SHISA9: variants seen among roughly 807,000 people sequenced by gnomAD.
The protein encoded by SHISA9 is protein shisa-9.
A neutral mutation model predicts 38.0 loss-of-function variants in SHISA9; 13 were observed. That is an observed-to-expected ratio of 0.34 (90% confidence interval 0.22 to 0.54). The LOEUF (loss-of-function observed/expected upper bound fraction) is 0.54. Ranked by LOEUF, SHISA9 falls within the 20% of genes least tolerant of loss-of-function variation. The pLI is 0.91. For missense variants in SHISA9, 538 were observed against 575.8 expected, an observed-to-expected ratio of 0.93 and a Z score of 0.67; for synonymous variants, 275 against 242.0, an observed-to-expected ratio of 1.14 and a Z score of -1.27.
intron 2 of SHISA9, among the ~76,000 whole-genome samples, chr16:12,941,238 C>G (rs970895210): frequency 1.3e-5 from 2 of 152,120 alleles, no homozygotes; most frequent in Admixed American, 6.5e-5. Context: ...GTAATCCTAG[C>G]TACCTGGGAA....
chr16:12,915,289 T>G (rs2071239361), intron 1 of SHISA9, among the ~76,000 whole-genome samples: 1 of 152,128 alleles, frequency 6.6e-6, no homozygotes, highest in African/African-American at 2.4e-5. Flanking sequence ...AGTAAGACCC[T>G]GAGACCACGT....
the SHISA9 span, among the ~76,000 whole-genome samples, chr16:13,300,269 T>A: frequency 6.6e-6 from 1 of 152,180 alleles, no homozygotes; most frequent in East Asian, 1.9e-4. Flanking sequence ...CATTTCTGAG[T>A]GGGATACTAT....
chr16:13,072,949 C>T (rs76824488), intron 2 of SHISA9, among the ~76,000 whole-genome samples: 16,363 of 152,270 alleles, frequency 0.11, 1,159 homozygotes, highest in Non-Finnish European at 0.15. Flanking sequence ...GTGTGAGCCG[C>T]CATCCCTGGC....
the SHISA9 span, among the ~76,000 whole-genome samples, chr16:13,381,853 A>T: frequency 6.6e-6 from 1 of 152,188 alleles, no homozygotes; most frequent in African/African-American, 2.4e-5. Context: ...AATATAATTT[A>T]AAAATCTTTA....
chr16:13,537,692 G>A, the SHISA9 span, among the ~76,000 whole-genome samples: 2 of 152,064 alleles, frequency 1.3e-5, no homozygotes, highest in African/African-American at 2.4e-5. Flanking sequence ...TATGGTACAC[G>A]TTTGTCAAAA....
At chr16:13,031,690 A>G (rs998907844) in intron 2 of SHISA9, among the ~76,000 whole-genome samples, 2 of 152,230 alleles carry the variant, frequency 1.3e-5, no homozygotes, top group African/African-American at 2.4e-5. Flanking sequence ...GGCCTAAAAA[A>G]TAATATCTAT....
At chr16:13,074,547 C>T (rs962825321) in intron 2 of SHISA9, among the ~76,000 whole-genome samples, 1 of 152,108 alleles carries the variant, frequency 6.6e-6, no homozygotes, top group African/African-American at 2.4e-5. Context: ...TGCAGTCTGG[C>T]CATACCCAGC....
intron 2 of SHISA9, among the ~76,000 whole-genome samples, chr16:13,116,131 C>A (rs1272732123): frequency 6.6e-6 from 1 of 152,130 alleles, no homozygotes; most frequent in Non-Finnish European, 1.5e-5. Flanking sequence ...ACTTACTGAT[C>A]TCTGTAACTT....
intron 3 of SHISA9, among the ~76,000 whole-genome samples, chr16:13,211,935 C>T (rs1177891820): frequency 2.6e-5 from 4 of 152,124 alleles, no homozygotes; most frequent in Admixed American, 6.5e-5. Context: ...AGAAGAGAAC[C>T]GAGTCATCCT....
At chr16:13,360,272 A>T in the SHISA9 span, among the ~76,000 whole-genome samples, 1 of 152,172 alleles carries the variant, frequency 6.6e-6, no homozygotes, top group Non-Finnish European at 1.5e-5. Flanking sequence ...ATGCTCACTG[A>T]CGGTGTCCCA....
the SHISA9 span, among the ~76,000 whole-genome samples, chr16:13,268,533 A>T: frequency 6.6e-6 from 1 of 152,094 alleles, no homozygotes; most frequent in African/African-American, 2.4e-5. Flanking sequence ...ACAAACAAAA[A>T]TGTCCCTTTG....
the SHISA9 span, among the ~76,000 whole-genome samples, chr16:13,447,718 G>A: frequency 5.9e-5 from 9 of 152,256 alleles, no homozygotes; most frequent in East Asian, 3.9e-4. Flanking sequence ...AATGAGACTC[G>A]GAGACCATCA....
the SHISA9 span, among the ~76,000 whole-genome samples, chr16:13,401,215 C>G: frequency 6.6e-6 from 1 of 152,332 alleles, no homozygotes; most frequent in Admixed American, 6.5e-5. Flanking sequence ...ATTTTTGTGA[C>G]AACCTTTTCA....
the SHISA9 span, among the ~76,000 whole-genome samples, chr16:13,485,642 G>A: frequency 1.3e-5 from 2 of 152,262 alleles, no homozygotes; most frequent in East Asian, 3.9e-4. Flanking sequence ...TGTTCTTTGT[G>A]TTGAGAACAT....
In SHISA9 at chr16:13,071,116, C is replaced by T. The variant is rs1399977042; in HGVS notation, c.692-132278C>T. On this transcript the variant is annotated intron_variant, in intron 2 of 4. Coordinates refer to ENST00000558583, the MANE Select transcript of SHISA9 (RefSeq NM_001145204.3). ...AGAAATGGATGGTGTGATGTTTGCA[C>T]AACAATGTGAATGTATTTAATGACA... 3.4e-5 allele frequency among the ~76,000 whole-genome samples: 5 copies of T among 147,256 alleles called. No individual in the cohort carries two copies. The East Asian group carries it at 7.7e-4, about 23-fold the overall frequency.
At chr16:13,117,359 C>T (rs2074040388) in intron 2 of SHISA9, among the ~76,000 whole-genome samples, 1 of 152,100 alleles carries the variant, frequency 6.6e-6, no homozygotes, top group Non-Finnish European at 1.5e-5. Flanking sequence ...ATACAGCAGA[C>T]GTGTGTTTGG....
intron 2 of SHISA9, among the ~76,000 whole-genome samples, chr16:13,004,962 A>AGAAAGAAAAG (rs112467502): frequency 4.7e-4 from 60 of 127,656 alleles, no homozygotes; most frequent in Non-Finnish European, 7.7e-4. Flanking sequence ...AAAAAAAGAA[A>AGAAAGAAAAG]AAAAGAAAGA....
chr16:12,915,393 C>T (rs540896609), intron 1 of SHISA9, among the ~76,000 whole-genome samples: 3 of 152,114 alleles, frequency 2.0e-5, no homozygotes, highest in African/African-American at 4.8e-5. Flanking sequence ...TGCTGTGAGC[C>T]ATGATCACAC....
chr16:13,215,731 A>C (rs1434213398), intron 4 of SHISA9, among the ~76,000 whole-genome samples: 2 of 151,968 alleles, frequency 1.3e-5, no homozygotes, highest in Non-Finnish European at 2.9e-5. Flanking sequence ...TTGTCGGGGG[A>C]GAGGAAAAGT....
Sources: allele counts gnomAD v4.1 joint callset (sites outside exome capture counted in the v4.1 genomes callset), GRCh38; gene constraint gnomAD v4.1.1; transcripts MANE v1.5; gene names NCBI Gene and HGNC (gene_info 2026-07-23, HGNC 2026-07-21).